Variants in TENT5D observed in about 807,000 individuals in gnomAD.
TENT5D encodes the protein cancer/testis antigen 112.
For missense variants in TENT5D, 191 were observed against 287.0 expected (o/e 0.67, Z 2.42); for synonymous variants, 103 against 100.6 (o/e 1.02, Z -0.15).
In TENT5D at chrX:80,340,679, A is replaced by G. The variant is rs1929940552; in HGVS notation, c.-206-1821A>G. Among the ~76,000 whole-genome samples, 5 of 111,318 alleles carry G rather than the reference A, an allele frequency of 4.5e-5. No individual in the cohort carries two copies. In the South Asian group the frequency reaches 1.9e-3, roughly 42 times the overall value. On this transcript the variant is annotated intron_variant, in intron 2 of 4. Coordinates refer to the TENT5D transcript ENST00000538312. ...AACTGTAGACATTTCGGTCTGTACA[A>G]TGTTTTGAGGAGACTGTCCTGTGTA...
chrX:80,360,245 A>C (rs1930378616), intron 3 of TENT5D, among the ~76,000 whole-genome samples: 1 of 112,248 alleles, frequency 8.9e-6, no homozygotes, highest in Admixed American at 9.5e-5. Flanking sequence ...TTGTGAATAA[A>C]ATTCAGGTTA....
At chrX:80,392,263 T>C (rs977391674) in intron 3 of TENT5D, among the ~76,000 whole-genome samples, 2 of 109,945 alleles carry the variant, frequency 1.8e-5, no homozygotes, top group African/African-American at 6.7e-5. Flanking sequence ...TTAGCTCTTT[T>C]TAATAATAAT....
intron 3 of TENT5D, among the ~76,000 whole-genome samples, chrX:80,403,729 C>T (rs995142857): frequency 8.9e-6 from 1 of 112,136 alleles, no homozygotes; most frequent in Admixed American, 9.5e-5. Context: ...AATGCCTCCA[C>T]ACATTGCCAG....
chrX:80,370,741 T>A (rs1237795922), intron 3 of TENT5D, among the ~76,000 whole-genome samples: 1 of 111,831 alleles, frequency 8.9e-6, no homozygotes, highest in East Asian at 2.8e-4. Flanking sequence ...CATTGGTTTT[T>A]TTTTAGTATA....
chrX:80,430,905 C>T (rs182387418), intron 1 of TENT5D, among the ~76,000 whole-genome samples: 1 of 110,899 alleles, frequency 9.0e-6, no homozygotes, highest in East Asian at 2.9e-4. Context: ...GTTTCCTAGA[C>T]ACACTTGGCC....
intron 3 of TENT5D, among the ~76,000 whole-genome samples, chrX:80,368,911 C>T (rs1930563708): frequency 9.0e-6 from 1 of 111,186 alleles, no homozygotes; most frequent in Non-Finnish European, 1.9e-5. Flanking sequence ...TTATATCAAC[C>T]TTTTTTTTCT....
intron 2 of TENT5D, among the ~76,000 whole-genome samples, chrX:80,440,073 T>C (rs1356330731): frequency 1.8e-5 from 2 of 111,755 alleles, no homozygotes; most frequent in Non-Finnish European, 3.8e-5. Context: ...AAGGACACCG[T>C]TTCTCCACAT....
At chrX:80,426,669 C>A (rs1931994548) in intron 1 of TENT5D, among the ~76,000 whole-genome samples, 1 of 112,144 alleles carries the variant, frequency 8.9e-6, no homozygotes, top group African/African-American at 3.2e-5. Context: ...CTTAAATCTT[C>A]TGCTTTATTT....
intron 3 of TENT5D, among the ~76,000 whole-genome samples, chrX:80,411,376 C>G (rs1931661917): frequency 8.9e-6 from 1 of 112,042 alleles, no homozygotes; most frequent in Non-Finnish European, 1.9e-5. Flanking sequence ...CAAATTGACA[C>G]AAATCATTTA....
chrX:80,388,444 G>T (rs1931064330), intron 3 of TENT5D, among the ~76,000 whole-genome samples: 1 of 111,446 alleles, frequency 9.0e-6, no homozygotes, highest in African/African-American at 3.3e-5. Flanking sequence ...GGGCTCCTTA[G>T]TCAGCAGATG....
intron 3 of TENT5D, among the ~76,000 whole-genome samples, chrX:80,404,234 G>A (rs1160750656): frequency 9.0e-6 from 1 of 111,667 alleles, no homozygotes; most frequent in African/African-American, 3.3e-5. Context: ...ATAACTCAGA[G>A]ATTTCAAAAA....
At chrX:80,390,176 T>A (rs1931097889) in intron 3 of TENT5D, among the ~76,000 whole-genome samples, 1 of 111,490 alleles carries the variant, frequency 9.0e-6, no homozygotes, top group African/African-American at 3.3e-5. Context: ...CTGACTGGTT[T>A]TATTTTCTTA....
At chrX:80,351,692 T>G (rs1930181857) in intron 3 of TENT5D, among the ~76,000 whole-genome samples, 1 of 110,253 alleles carries the variant, frequency 9.1e-6, no homozygotes, top group South Asian at 3.9e-4. Flanking sequence ...GCGCCCTTGC[T>G]GGAGAGGAGT....
intron 3 of TENT5D, among the ~76,000 whole-genome samples, chrX:80,393,578 T>A (rs919572027): frequency 1.1e-4 from 12 of 112,108 alleles, no homozygotes; most frequent in Non-Finnish European, 2.3e-4. Flanking sequence ...TCAAATTTAC[T>A]AGCAATATTG....
intron 3 of TENT5D, among the ~76,000 whole-genome samples, chrX:80,403,213 CTT>C (rs1471046821): frequency 6.3e-5 from 7 of 111,710 alleles, no homozygotes; most frequent in African/African-American, 1.6e-4. Flanking sequence ...AAAATGCACT[CTT>C]ATAAACAATC....
At chrX:80,357,858 T>A (rs1475198027) in intron 3 of TENT5D, among the ~76,000 whole-genome samples, 2 of 111,654 alleles carry the variant, frequency 1.8e-5, no homozygotes, top group African/African-American at 3.3e-5. Context: ...CATTGCCAAG[T>A]CAATTCTAAG....
intron 3 of TENT5D, among the ~76,000 whole-genome samples, chrX:80,397,956 G>A (rs1048918223): frequency 2.8e-5 from 3 of 107,682 alleles, no homozygotes; most frequent in Non-Finnish European, 6.0e-5. Context: ...AGAGGGCGAG[G>A]GAGGGAGAGG....
chrX:80,416,354 G>T (rs1250588883), upstream of TENT5D, among the ~76,000 whole-genome samples: 1 of 83,766 alleles, frequency 1.2e-5, no homozygotes, highest in African/African-American at 4.5e-5. Context: ...ATTTGCTTTT[G>T]TTTTTATTTT....
intron 3 of TENT5D, among the ~76,000 whole-genome samples, chrX:80,360,091 G>A (rs1367539215): frequency 1.8e-5 from 2 of 111,735 alleles, no homozygotes; most frequent in African/African-American, 6.5e-5. Flanking sequence ...GCGAGATTGA[G>A]AAATCAGTTT....
Sources: gnomAD v4.1 joint callset for allele counts (sites outside exome capture counted in the v4.1 genomes callset) on GRCh38, gnomAD v4.1.1 for gene constraint, MANE v1.5 for transcripts, NCBI Gene and HGNC (gene_info 2026-07-23, HGNC 2026-07-21) for gene names.